Variants in TSEN2 observed in about 807,000 individuals in gnomAD.
The protein encoded by TSEN2 is tRNA splicing endonuclease subunit 2.
A neutral mutation model predicts 59.2 loss-of-function variants in TSEN2; 54 were observed. That is an observed-to-expected ratio of 0.91 (90% CI 0.73 to 1.14). The LOEUF is 1.14. Among genes scored for constraint, TSEN2 ranks in the 50% most tolerant of loss-of-function variants. TSEN2 has a pLI of 0.00. For synonymous variants in TSEN2, 195 were observed against 198.2 expected, an observed-to-expected ratio of 0.98 and a Z score of 0.14; for missense variants, 636 against 576.2, an observed-to-expected ratio of 1.10 and a Z score of -1.06.
At chr3:12,482,837 C>G (rs1229748990), upstream of TSEN2, among the ~76,000 whole-genome samples, 1 of 152,192 alleles carries the variant, frequency 6.6e-6, no homozygotes, top group Non-Finnish European at 1.5e-5. Flanking sequence ...TTGGCATGTT[C>G]TGGTCGGATA....
intron 1 of TSEN2, among the ~76,000 whole-genome samples, chr3:12,489,502 T>C (rs1044278845): frequency 6.6e-6 from 1 of 152,160 alleles, no homozygotes; most frequent in Non-Finnish European, 1.5e-5. Context: ...CATTGCAGCT[T>C]TGGGCATGTC....
At chr3:12,512,374 G>T (rs1032766519) in intron 6 of TSEN2, among the ~76,000 whole-genome samples, 1 of 152,176 alleles carries the variant, frequency 6.6e-6, no homozygotes, top group African/African-American at 2.4e-5. Flanking sequence ...CTTGGAAATT[G>T]TGCTTTATTT....
At chr3:12,520,619 G>A (rs773076402) in intron 8 of TSEN2, among the ~76,000 whole-genome samples, 93 of 152,140 alleles carry the variant, frequency 6.1e-4, no homozygotes, top group Non-Finnish European at 1.0e-3. Flanking sequence ...GTGAAACCCC[G>A]TTTCTACTAA....
At chr3:12,533,940 C>T (rs965391815), downstream of TSEN2, among the ~76,000 whole-genome samples, 1 of 152,142 alleles carries the variant, frequency 6.6e-6, no homozygotes, top group Non-Finnish European at 1.5e-5. Context: ...TTTATCCCTG[C>T]AGCAGCCTTG....
In TSEN2 at chr3:12,533,162, AGT is replaced by A. The variant is rs1457699290; in HGVS notation, c.*444_*445del. ...CCTACATCTAAGCTGTTCCCGAAAG[AGT>A]GTTACAGAACACAACAGTATTGTAC... On this transcript the variant is annotated 3_prime_UTR_variant, in exon 12 of 12. Coordinates refer to ENST00000284995, the MANE Select transcript of TSEN2 (RefSeq NM_025265.4). 5.9e-4 allele frequency: 142 copies of A among 240,490 alleles called. No homozygotes were observed. Among genetic ancestry groups the A allele is most frequent in the African/African-American group, 3.0e-3 (135 of 44,808 alleles). 14.9% of individuals were successfully genotyped at this position (240,490 alleles called of 1,614,324 possible).
At chr3:12,525,172 C>T (rs548387065) in intron 8 of TSEN2, among the ~76,000 whole-genome samples, 2 of 152,250 alleles carry the variant, frequency 1.3e-5, no homozygotes, top group South Asian at 4.1e-4. Context: ...GACTCAAGCT[C>T]GGGTTCTCTT....
At chr3:12,532,566 C>A in intron 11 of TSEN2, 96 bp from the exon 12 acceptor site, 4 of 1,182,554 alleles carry the variant, frequency 3.4e-6, no homozygotes, top group East Asian at 4.7e-5. Context: ...TTATATAGAC[C>A]GCCCTTTGTG....
intron 1 of TSEN2, among the ~76,000 whole-genome samples, chr3:12,488,661 A>G (rs1352068575): frequency 6.6e-6 from 1 of 152,134 alleles, no homozygotes; most frequent in Non-Finnish European, 1.5e-5. Context: ...GATCCAATGT[A>G]TGGCCCCAGA....
chr3:12,489,935 T>A lies in TSEN2; in HGVS notation c.135T>A (p.Ile45=). The change falls in exon 2 of 12, where the codon ATT becomes ATA. Residue 45 remains isoleucine, a synonymous_variant. Coordinates refer to ENST00000284995, the MANE Select transcript of TSEN2 (RefSeq NM_025265.4). ...TCAAGATATTCCGTGCTGAAATGAT[T>A]AACAACAATGTGATTGTGAGGAATG... ...KEFKIFRAEM[I]NNNVIVRNAE... The A allele has an allele frequency of 6.2e-7, 1 of 1,614,168 alleles. No homozygotes were observed. The highest frequency in any genetic ancestry group is 8.5e-7 in the Non-Finnish European group (1 of 1,180,022).
chr3:12,503,111 TA>T, intron 4 of TSEN2, 150 bp from the exon 5 acceptor site: 2 of 860,720 alleles, frequency 2.3e-6, no homozygotes, highest in Non-Finnish European at 3.7e-6. Context: ...CAGAAAAGTA[TA>T]AAGAAGAAAA....
rs377012054 is a variant in TSEN2 at position 12,519,056 on chromosome 3, T to C, written c.961-3T>C. ...CTTTTTGTTTTTTTGTAAATAACTTTAGGAGCCTTTAACGATAGTGAAGCT... is the reference window on the plus strand; with the variant it reads ...CTTTTTGTTTTTTTGTAAATAACTTCAGGAGCCTTTAACGATAGTGAAGCT... On this transcript the variant is annotated splice_region_variant and splice_polypyrimidine_tract_variant and intron_variant, in intron 7 of 11. Transcript: ENST00000284995. The C allele has an allele frequency of 2.1e-4, 339 of 1,614,074 alleles. No individual in the cohort carries two copies. The highest frequency in any genetic ancestry group is 2.8e-4 in the Non-Finnish European group (330 of 1,180,036).
intron 6 of TSEN2, among the ~76,000 whole-genome samples, chr3:12,513,354 G>A (rs913110897): frequency 1.3e-5 from 2 of 152,150 alleles, no homozygotes; most frequent in South Asian, 2.1e-4. Context: ...GGCCAGCCAC[G>A]GTGGGTCATG....
At chr3:12,529,008 G>A in intron 9 of TSEN2, 84 bp downstream of exon 9, 1 of 1,400,018 alleles carries the variant, frequency 7.1e-7, no homozygotes, top group Non-Finnish European at 1.0e-6. Flanking sequence ...TGGTGCCATA[G>A]GAACAAAAGT....
intron 8 of TSEN2, among the ~76,000 whole-genome samples, chr3:12,523,184 T>C (rs143754783): frequency 6.6e-6 from 1 of 152,288 alleles, no homozygotes; most frequent in Non-Finnish European, 1.5e-5. Context: ...ATTTATATTG[T>C]CTTATGTACA....
At chr3:12,509,261 C>T (rs1250951150) in intron 6 of TSEN2, among the ~76,000 whole-genome samples, 2 of 150,206 alleles carry the variant, frequency 1.3e-5, no homozygotes, top group Non-Finnish European at 3.0e-5. Context: ...AGTGCAGTGG[C>T]GTGATCTCAG....
At chr3:12,489,657 TATAA>T (rs760640610) in intron 1 of TSEN2, 123 bp from the exon 2 acceptor site, 11 of 760,796 alleles carry the variant, frequency 1.4e-5, no homozygotes, top group Admixed American at 2.2e-5. Flanking sequence ...TTTATTGCTT[TATAA>T]ATACTCTATT....
intron 8 of TSEN2, among the ~76,000 whole-genome samples, chr3:12,526,643 C>T (rs1019197087): frequency 6.6e-6 from 1 of 152,222 alleles, no homozygotes; most frequent in Non-Finnish European, 1.5e-5. Flanking sequence ...GCATAGGTAA[C>T]TTTGTGATGC....
Position 12,503,642 on chromosome 3 carries a change from T to TC in TSEN2, c.691dup (p.Gln231ProfsTer7). On this transcript the variant is annotated frameshift_variant, in exon 5 of 12. Transcript: ENST00000284995. LOFTEE classifies it high-confidence loss of function. ...TGCTGCAAACAAGATGCTCTCATCC[T>TC]CCAGCGTGGCCTTCATCATGAAGAC... is the stretch of plus-strand genomic sequence containing the variant. 6.2e-7 allele frequency: 1 copy of TC among 1,600,180 alleles called. No individual in the cohort carries two copies. The highest frequency in any genetic ancestry group is 2.2e-5 in the East Asian group (1 of 44,790).
rs943627114 is a variant in TSEN2, at chr3:12,530,170, G to C, written c.1248+297G>C. Reference sequence around the variant, plus strand: ...GGGTAGGCATTGCTTCTCTTCCCAGGGGTATCGTTGCTATGTGACTTGTTT... The same window carrying C: ...GGGTAGGCATTGCTTCTCTTCCCAGCGGTATCGTTGCTATGTGACTTGTTT... On this transcript the variant is annotated intron_variant, in intron 10 of 11. Coordinates refer to ENST00000284995, the MANE Select transcript of TSEN2 (RefSeq NM_025265.4). 3.2e-6 allele frequency: 4 copies of C among 1,240,220 alleles called. No individual in the cohort carries two copies. The African/African-American group carries it at 6.1e-5, about 19-fold the overall frequency. 76.8% of individuals were successfully genotyped at this position (1,240,220 alleles called of 1,614,324 possible).
Sources: allele counts gnomAD v4.1 joint callset (sites outside exome capture counted in the v4.1 genomes callset), GRCh38; gene constraint gnomAD v4.1.1; transcripts MANE v1.5; gene names NCBI Gene and HGNC (gene_info 2026-07-23, HGNC 2026-07-21).